Variants in TCP1 observed in about 807,000 individuals in gnomAD.
TCP1 encodes the protein t-complex 1.
TCP1 carries 6 observed loss-of-function variants against 54.7 expected under a neutral mutation model. The observed-to-expected ratio is 0.11, with a 90% confidence interval of 0.06 to 0.22. The LOEUF (loss-of-function observed/expected upper bound fraction) is 0.22, where lower values mean the gene tolerates loss of function less well. TCP1 is among the 10% of genes least tolerant of loss of function. The pLI is 1.00. For missense variants in TCP1, 511 were observed against 678.2 expected, an observed-to-expected ratio of 0.75 and a Z score of 2.74; for synonymous variants, 225 against 229.7, an observed-to-expected ratio of 0.98 and a Z score of 0.19.
intron 1 of TCP1, 65 bp downstream of exon 1, chr6:159,789,340 T>C: frequency 6.3e-7 from 1 of 1,589,822 alleles, no homozygotes; most frequent in Non-Finnish European, 8.6e-7. Context: ...GCAGCCGGGG[T>C]CCGGTCGCGG....
At position 159,789,286 on chromosome 6, in the gene TCP1, G is replaced by A. The variant is rs374454492; in HGVS notation, c.64+119C>T. The A allele has an allele frequency of 1.5e-3, 1,741 of 1,195,620 alleles. 24 individuals are homozygous for A. In the African/African-American group the frequency reaches 0.024, roughly 17 times the overall value. The allele number at this position is 1,195,620 out of a possible 1,614,324, so 74.1% of individuals were successfully genotyped here. A position where few individuals can be genotyped will look rare whatever the true frequency, so the allele number is the denominator to read the frequency against. ...GGCGGGTGGGCTGGGTCCGGCTGCGGGGCCCCGAGGCCCTTTCTGCGGAGG... is the reference window on the plus strand; with the variant it reads ...GGCGGGTGGGCTGGGTCCGGCTGCGAGGCCCCGAGGCCCTTTCTGCGGAGG... On this transcript the variant is annotated intron_variant, in intron 1 of 11. Coordinates refer to ENST00000321394, the MANE Select transcript of TCP1 (RefSeq NM_030752.3).
Position 159,784,660 on chromosome 6 carries a change from C to T in TCP1, c.670+6G>A, listed in dbSNP as rs1780651951. 1 of 1,610,718 alleles carries T rather than the reference C, an allele frequency of 6.2e-7. No individual in the cohort carries two copies. Among genetic ancestry groups the T allele is most frequent in the Non-Finnish European group, 8.5e-7 (1 of 1,178,522 alleles). On this transcript the variant is annotated splice_donor_region_variant and intron_variant, in intron 6 of 11. Transcript: ENST00000321394. ...CTCATTCTATAAACCAAATCCCAAA[C>T]CTTACCCTGGGATCCCACCACACAG... is the stretch of plus-strand genomic sequence containing the variant.
chr6:159,783,077 C>CTATAG (rs201848463), intron 7 of TCP1, among the ~76,000 whole-genome samples: 1,743 of 152,214 alleles, frequency 0.011, 93 homozygotes, highest in Admixed American at 0.094. Context: ...TAGGGAGTAC[C>CTATAG]TATAGCACAA....
In TCP1 at chr6:159,780,141, T is replaced by G. The variant is rs572363662; in HGVS notation, c.1098-54A>C. ...AATAGCATTTTTAAAAATTTTTTTT[T>G]GCCAAGACCATCAATTTCTCAAAAA... On this transcript the variant is annotated intron_variant, in intron 9 of 11. Transcript: ENST00000321394. 6.4e-6 allele frequency: 10 copies of G among 1,567,398 alleles called. No homozygotes were observed. The East Asian group carries it at 2.2e-4, about 35-fold the overall frequency.
chr6:159,787,735 C>G lies in TCP1; in HGVS notation c.279+8G>C. ...GAAAAATGATCATTCTTTAGCCAGT[C>G]TACCTACCACTGAAGTAGTTCCATC... On this transcript the variant is annotated splice_region_variant and intron_variant, in intron 3 of 11. Coordinates refer to ENST00000321394, the MANE Select transcript of TCP1 (RefSeq NM_030752.3). 1 of 1,610,706 alleles carries G rather than the reference C, an allele frequency of 6.2e-7. No homozygotes were observed. Among genetic ancestry groups the G allele is most frequent in the Non-Finnish European group, 8.5e-7 (1 of 1,178,612 alleles).
chr6:159,779,449 T>C, intron 11 of TCP1, 178 bp downstream of exon 11: 1 of 979,250 alleles, frequency 1.0e-6, no homozygotes, highest in Non-Finnish European at 1.5e-6. Context: ...CCAGTGCTAA[T>C]AATTAGTCAT....
rs549234019 is a variant in TCP1, at chr6:159,787,429, C to A, written c.279+314G>T. On this transcript the variant is annotated intron_variant, in intron 3 of 11. Transcript: ENST00000321394. ...ATACTGCCATAAAAGGAAAAATAAG[C>A]CCTCAAAACTTGTGAATACCAACAT... 3.9e-5 allele frequency among the ~76,000 whole-genome samples: 6 copies of A among 152,090 alleles called. No individual in the cohort carries two copies. The South Asian group carries it at 1.2e-3, about 32-fold the overall frequency.
At position 159,784,844 on chromosome 6, in the gene TCP1, A is replaced by G; in HGVS notation, c.492T>C (p.Asn164=). The change falls in exon 6 of 12, where the codon AAT becomes AAC. Residue 164 remains asparagine (N), a synonymous_variant. Coordinates refer to ENST00000321394, the MANE Select transcript of TCP1 (RefSeq NM_030752.3). ...TSMSSKIIGI[N]GDFFANMVVD... is the part of the protein sequence containing the mutation. Reference sequence around the variant, plus strand: ...CTACCATGTTAGCAAAGAAATCACCATTTCTACGCCAAAAGTTAAGGACAG... The same window carrying G: ...CTACCATGTTAGCAAAGAAATCACCGTTTCTACGCCAAAAGTTAAGGACAG... 1 of 1,614,180 alleles carries G rather than the reference A, an allele frequency of 6.2e-7. No individual in the cohort carries two copies. The highest frequency in any genetic ancestry group is 8.5e-7 in the Non-Finnish European group (1 of 1,180,032).
chr6:159,779,271 AG>A lies in TCP1; in HGVS notation c.1455-11del. ...CAAATCAAGACCAATCCTGCAATTAAGAAAGAATTATTTAACGGCCGCTTAC... is the reference window on the plus strand; with the variant it reads ...CAAATCAAGACCAATCCTGCAATTAAAAAGAATTATTTAACGGCCGCTTAC... On this transcript the variant is annotated splice_polypyrimidine_tract_variant and intron_variant, in intron 11 of 11. Coordinates refer to ENST00000321394, the MANE Select transcript of TCP1 (RefSeq NM_030752.3). 1 of 1,608,820 alleles carries A rather than the reference AG, an allele frequency of 6.2e-7. No homozygotes were observed. The highest frequency in any genetic ancestry group is 8.5e-7 in the Non-Finnish European group (1 of 1,176,740).
At position 159,789,576 on chromosome 6, in the gene TCP1, T is replaced by C. The variant is rs950879592; in HGVS notation, c.-108A>G. On this transcript the variant is annotated 5_prime_UTR_variant, in exon 1 of 12. Transcript: ENST00000321394. The stretch of plus-strand genomic sequence containing the variant: ...GCAGTGGCTGCGACGGCGTGGAGCG[T>C]ACCCGAGCGATGTCCCAGGAGCTAC... The C allele has an allele frequency of 2.9e-6, 4 of 1,361,466 alleles. No individual in the cohort carries two copies. Among genetic ancestry groups the C allele is most frequent in the African/African-American group, 1.4e-5 (1 of 69,256 alleles). 84.3% of individuals were successfully genotyped at this position (1,361,466 alleles called of 1,614,324 possible).
In TCP1 at chr6:159,778,923, A is replaced by T; in HGVS notation, c.*122T>A. On this transcript the variant is annotated 3_prime_UTR_variant, in exon 12 of 12. Coordinates refer to ENST00000321394, the MANE Select transcript of TCP1 (RefSeq NM_030752.3). ...ATCAGAGGACCAAAGTACAGATGGA[A>T]ACCATTTCCTACATCACAAAAACCC... 6.3e-7 allele frequency: 1 copy of T among 1,575,712 alleles called. No homozygotes were observed. Among genetic ancestry groups the T allele is most frequent in the Non-Finnish European group, 8.6e-7 (1 of 1,156,720 alleles).
At chr6:159,782,862 G>A (rs1253635395) in intron 7 of TCP1, among the ~76,000 whole-genome samples, 3 of 152,160 alleles carry the variant, frequency 2.0e-5, no homozygotes, top group Admixed American at 6.5e-5. Context: ...TTCCATCCCC[G>A]AAAGCATTTC....
chr6:159,778,715 T>C lies in TCP1; in HGVS notation c.*330A>G, dbSNP rs756773345. On this transcript the variant is annotated 3_prime_UTR_variant, in exon 12 of 12. Coordinates refer to ENST00000321394, the MANE Select transcript of TCP1 (RefSeq NM_030752.3). Reference sequence around the variant, plus strand: ...GCCACCCTCTTGGAGCATCTGGCTGTCGAATTCTTGTGACCCTGTTACACA... The same window carrying C: ...GCCACCCTCTTGGAGCATCTGGCTGCCGAATTCTTGTGACCCTGTTACACA... The C allele has an allele frequency of 6.2e-7, 1 of 1,614,256 alleles. No homozygotes were observed.
Position 159,789,476 on chromosome 6 carries a change from G to A in TCP1, c.-8C>T, listed in dbSNP as rs375606704. 9.9e-5 allele frequency: 159 copies of A among 1,613,774 alleles called. No individual in the cohort carries two copies. The highest frequency in any genetic ancestry group is 1.3e-4 in the Non-Finnish European group (149 of 1,179,874). On this transcript the variant is annotated 5_prime_UTR_variant, in exon 1 of 12. Transcript: ENST00000321394. ...GGACAAAGGCCCCTCCATCTTGACG[G>A]CAGCGATACACGTCGAATTCTGCTT...
Position 159,780,682 on chromosome 6 carries a change from G to C in TCP1, c.974-116C>G, listed in dbSNP as rs529443159. 8.1e-6 allele frequency: 11 copies of C among 1,362,882 alleles called. No homozygotes were observed. In the African/African-American group the frequency reaches 1.6e-4, roughly 20 times the overall value. The allele number at this position is 1,362,882 out of a possible 1,614,324, so 84.4% of individuals were successfully genotyped here. A position where few individuals can be genotyped will look rare whatever the true frequency, so the allele number is the denominator to read the frequency against. The stretch of plus-strand genomic sequence containing the variant: ...TATTACAAGTTTAGAATTTAGTTAG[G>C]CAGCACACGGTAACTCCTTTTATCC... On this transcript the variant is annotated intron_variant, in intron 8 of 11. Coordinates refer to ENST00000321394, the MANE Select transcript of TCP1 (RefSeq NM_030752.3).
Position 159,779,907 on chromosome 6 carries a change from A to G in TCP1, c.1278T>C (p.Tyr426=). ...EAALSIYLEN[Y]ATSMGSREQL... is the part of the protein sequence containing the mutation. ...TGACTGTTCTTACCATGCTGGTTGC[A>G]TAGTTTTCAAGGTATATGGAAAGGG... Residue 426 remains tyrosine (Y), a synonymous_variant, in exon 10 of 12, where the codon TAT becomes TAC. Coordinates refer to ENST00000321394, the MANE Select transcript of TCP1 (RefSeq NM_030752.3). 4 of 1,614,100 alleles carry G rather than the reference A, an allele frequency of 2.5e-6. No homozygotes were observed. Among genetic ancestry groups the G allele is most frequent in the Admixed American group, 1.7e-5 (1 of 60,010 alleles).
chr6:159,786,121 G>C (rs555494286), intron 3 of TCP1, 124 bp from the exon 4 acceptor site: 1 of 706,776 alleles, frequency 1.4e-6, no homozygotes, highest in Non-Finnish European at 2.4e-6. Context: ...GAATTAACTG[G>C]TTATTAGAAA....
intron 8 of TCP1, 110 bp downstream of exon 8, chr6:159,780,825 G>A (rs1033281754): frequency 7.4e-7 from 1 of 1,347,634 alleles, no homozygotes; most frequent in Non-Finnish European, 1.0e-6. Flanking sequence ...AGCATTAAGA[G>A]AATATAAATG....
rs1288437046 is a variant in TCP1, at chr6:159,780,644, G to A, written c.974-78C>T. ...TATCCTTGGACTCAGTAGCATTTGT[G>A]GTAAAAGTGCTATATTACAAGTTTA... On this transcript the variant is annotated intron_variant, in intron 8 of 11. Transcript: ENST00000321394. 7 of 1,534,984 alleles carry A rather than the reference G, an allele frequency of 4.6e-6. No individual in the cohort carries two copies. The African/African-American group carries it at 5.5e-5, about 12-fold the overall frequency.
Sources: gnomAD v4.1 joint callset for allele counts (sites outside exome capture counted in the v4.1 genomes callset) on GRCh38, gnomAD v4.1.1 for gene constraint, MANE v1.5 for transcripts, NCBI Gene and HGNC (gene_info 2026-07-23, HGNC 2026-07-21) for gene names.